STAB1: variants seen among roughly 807,000 people sequenced by gnomAD.
STAB1 encodes stabilin-1.
A neutral mutation model predicts 332.4 loss-of-function variants in STAB1; 250 were observed. The observed-to-expected ratio is 0.75, with a 90% CI of 0.68 to 0.84. The LOEUF (loss-of-function observed/expected upper bound fraction) is 0.84, where lower values mean the gene tolerates loss of function less well. Ranked by LOEUF, STAB1 falls within the 40% of genes least tolerant of loss-of-function variation. The pLI, the probability that STAB1 is intolerant of heterozygous loss-of-function variation, is 0.00. For missense variants in STAB1, 3,249 were observed against 3,489.7 expected (o/e 0.93, Z 1.74); for synonymous variants, 1,475 against 1,390.4 (o/e 1.06, Z -1.35).
In STAB1 at chr3:52,521,371, C is replaced by A. The variant is rs770760877; in HGVS notation, c.5919C>A (p.Gly1973=). The A allele has an allele frequency of 2.5e-6, 4 of 1,613,778 alleles. No individual in the cohort carries two copies. Among genetic ancestry groups the A allele is most frequent in the Non-Finnish European group, 3.4e-6 (4 of 1,180,006 alleles). ...CTACCCCATCCCCAGCTTGCCCTGGCGGCCCCAGCAGCCCTTGTAGTGACC... is the reference window on the plus strand; with the variant it reads ...CTACCCCATCCCCAGCTTGCCCTGGAGGCCCCAGCAGCCCTTGTAGTGACC... The part of the protein sequence containing the change: ...HYGSECQACP[G]GPSSPCSDRG... The change falls in exon 56 of 69, where the codon GGC becomes GGA. Residue 1973 remains glycine (G), a synonymous_variant. Coordinates refer to ENST00000321725, the MANE Select transcript of STAB1 (RefSeq NM_015136.3).
intron 33 of STAB1, 52 bp downstream of exon 33, chr3:52,514,265 G>C: frequency 6.2e-7 from 1 of 1,605,026 alleles, no homozygotes; most frequent in Non-Finnish European, 8.5e-7. Flanking sequence ...CATAGAGGGC[G>C]AGCCTCCAAT....
chr3:52,503,975 G>A (rs1708649384), intron 9 of STAB1, 53 bp from the exon 10 acceptor site: 1 of 1,607,094 alleles, frequency 6.2e-7, no homozygotes, highest in Non-Finnish European at 8.5e-7. Context: ...CGTGGGGGGT[G>A]CGGTGGGGGG....
chr3:52,521,707 A>G lies in STAB1; in HGVS notation c.6163+7A>G. The G allele has an allele frequency of 1.2e-6, 2 of 1,612,438 alleles. No homozygotes were observed. Among genetic ancestry groups the G allele is most frequent in the East Asian group, 2.2e-5 (1 of 44,864 alleles). ...CGCTGTGAGGTGCAACTGGGTGAGT[A>G]GCCCCGTGCTCGTGCCCACCCTACA... is the stretch of plus-strand genomic sequence containing the variant. On this transcript the variant is annotated splice_region_variant and intron_variant, in intron 57 of 68. Transcript: ENST00000321725.
Position 52,514,227 on chromosome 3 carries a change from G to A in STAB1, c.3546+14G>A, listed in dbSNP as rs954798664. ...AGCAGTCACCTGGTGAGGCCGTGGG[G>A]ATGGGGCAATGGCAGGGAGGGCAAA... On this transcript the variant is annotated intron_variant, in intron 33 of 68. Coordinates refer to ENST00000321725, the MANE Select transcript of STAB1 (RefSeq NM_015136.3). 3 of 1,612,632 alleles carry A rather than the reference G, an allele frequency of 1.9e-6. No individual in the cohort carries two copies. The highest frequency in any genetic ancestry group is 2.2e-5 in the East Asian group (1 of 44,890).
intron 37 of STAB1, among the ~76,000 whole-genome samples, 174 bp downstream of exon 37, chr3:52,515,680 T>C (rs1003480637): frequency 6.6e-6 from 1 of 151,846 alleles, no homozygotes; most frequent in Admixed American, 6.6e-5. Context: ...AGAGGGCTAG[T>C]GTTTGTCCCT....
At chr3:52,502,283 A>T in intron 5 of STAB1, 55 bp downstream of exon 5, 1 of 1,578,344 alleles carries the variant, frequency 6.3e-7, no homozygotes, top group Middle Eastern at 2.2e-4. Flanking sequence ...GGGCCCACGC[A>T]GATGCAGTAC....
At position 52,509,786 on chromosome 3, in the gene STAB1, C is replaced by G. The variant is rs1229074963; in HGVS notation, c.2348-84C>G. ...CAAATCTGTACTGGCTGCCCCACTC[C>G]CTATATCCCCCAAACCCATCCTGGC... On this transcript the variant is annotated intron_variant, in intron 22 of 68. Coordinates refer to ENST00000321725, the MANE Select transcript of STAB1 (RefSeq NM_015136.3). The G allele has an allele frequency of 3.3e-6, 5 of 1,500,616 alleles. 1 individual carries two copies. Among genetic ancestry groups the G allele is most frequent in the Admixed American group, 3.4e-5 (2 of 58,272 alleles). The allele number at this position is 1,500,616 out of a possible 1,614,324, so 93.0% of individuals were successfully genotyped here. A position where few individuals can be genotyped will look rare whatever the true frequency, so the allele number is the denominator to read the frequency against.
intron 3 of STAB1, 33 bp from the exon 4 acceptor site, chr3:52,501,973 G>A: frequency 6.2e-7 from 1 of 1,609,712 alleles, no homozygotes; most frequent in Non-Finnish European, 8.5e-7. Flanking sequence ...GGAGGGTTCT[G>A]GGCACAGAGC....
chr3:52,523,565 T>C lies in STAB1; in HGVS notation c.7279T>C (p.Trp2427Arg). 6.2e-7 allele frequency: 1 copy of C among 1,612,798 alleles called. No individual in the cohort carries two copies. The highest frequency in any genetic ancestry group is 8.5e-7 in the Non-Finnish European group (1 of 1,180,000). Residue 2427 changes from tryptophan (W) to arginine (R), a missense_variant, in exon 65 of 69, where the codon TGG (tryptophan) becomes CGG (arginine). Coordinates refer to ENST00000321725, the MANE Select transcript of STAB1 (RefSeq NM_015136.3). Reference protein sequence around the residue: ...ISDAGPDNSSWAPVAPGTVVV... With the variant: ...ISDAGPDNSSRAPVAPGTVVV... The stretch of plus-strand genomic sequence containing the variant: ...TGACGCAGGCCCTGACAACAGTTCC[T>C]GGGCCCCTGTGGTGAGTCTGGCCAC...
chr3:52,516,253 G>A lies in STAB1; in HGVS notation c.4144+15G>A, dbSNP rs373484645. 27 of 1,608,610 alleles carry A rather than the reference G, an allele frequency of 1.7e-5. No homozygotes were observed. The highest frequency in any genetic ancestry group is 4.5e-5 in the East Asian group (2 of 44,854). ...CTGCACCGGAGGTGAGGACTGGGGAGGGGCGGGGGTGGGCCTCCTGGCAGC... is the reference window on the plus strand; with the variant it reads ...CTGCACCGGAGGTGAGGACTGGGGAAGGGCGGGGGTGGGCCTCCTGGCAGC... On this transcript the variant is annotated intron_variant, in intron 38 of 68. Transcript: ENST00000321725.
At position 52,518,581 on chromosome 3, in the gene STAB1, C is replaced by T. The variant is rs1164265974; in HGVS notation, c.4855C>T (p.Pro1619Ser). The change falls in exon 47 of 69, where the codon CCG becomes TCG. Residue 1619 changes from proline (P) to serine (S), a missense_variant. Physicochemically the swap from Pro to Ser is moderately conservative, Grantham distance 74. Transcript: ENST00000321725. ...KGDGPFTIFVPHADLMSNLSQ... is the reference protein window; with the variant it reads ...KGDGPFTIFVSHADLMSNLSQ... Reference sequence around the variant, plus strand: ...CGATGGGCCTTTCACCATCTTCGTGCCGCACGCAGATCTAATGAGCAACCT... The same window carrying T: ...CGATGGGCCTTTCACCATCTTCGTGTCGCACGCAGATCTAATGAGCAACCT... The T allele has an allele frequency of 1.9e-6, 3 of 1,601,816 alleles. No homozygotes were observed. The highest frequency in any genetic ancestry group is 4.5e-5 in the East Asian group (2 of 44,490).
chr3:52,511,622 C>T (rs563551479), intron 25 of STAB1, 28 bp from the exon 26 acceptor site: 10 of 1,588,584 alleles, frequency 6.3e-6, no homozygotes, highest in South Asian at 1.1e-5. Flanking sequence ...CATCATGAGA[C>T]AAGGCCGTCT....
At position 52,520,313 on chromosome 3, in the gene STAB1, G is replaced by A. The variant is rs1043172361; in HGVS notation, c.5499+23G>A. 1.9e-6 allele frequency: 3 copies of A among 1,612,896 alleles called. No homozygotes were observed. The African/African-American group carries it at 4.0e-5, about 22-fold the overall frequency. On this transcript the variant is annotated intron_variant, in intron 52 of 68. Coordinates refer to ENST00000321725, the MANE Select transcript of STAB1 (RefSeq NM_015136.3). Reference sequence around the variant, plus strand: ...GCCGTGAGTCTGGGGAGAGGGCTTGGATGAAGGGAGTAGGAGGCAGGGGCC... The same window carrying A: ...GCCGTGAGTCTGGGGAGAGGGCTTGAATGAAGGGAGTAGGAGGCAGGGGCC...
chr3:52,509,179 T>G (rs376491602), intron 21 of STAB1, 31 bp from the exon 22 acceptor site: 2 of 1,603,672 alleles, frequency 1.2e-6, no homozygotes, highest in African/African-American at 2.7e-5. Context: ...CCCTTTCCCA[T>G]GACTGATCCT....
rs756971042 is a variant in STAB1, at chr3:52,513,771, G to A, written c.3325G>A (p.Gly1109Ser). 12 of 1,613,252 alleles carry A rather than the reference G, an allele frequency of 7.4e-6. No homozygotes were observed. Among genetic ancestry groups the A allele is most frequent in the South Asian group, 2.2e-5 (2 of 91,078 alleles). The change falls in exon 31 of 69, where the codon GGT (glycine) becomes AGT (serine). Residue 1109 changes from glycine (G) to serine (S), a missense_variant. Gly to Ser is a moderately conservative substitution (Grantham distance 56). Coordinates refer to ENST00000321725, the MANE Select transcript of STAB1 (RefSeq NM_015136.3). ...TGTGGCTGACCTCCTTGCCACCAAC[G>A]GTGTCCTACACATCCTCAGCCAGGT... The part of the protein sequence containing the change: ...VDVADLLATN[G>S]VLHILSQVLL...
In STAB1 at chr3:52,517,261, G is replaced by A. The variant is rs556280317; in HGVS notation, c.4490-59G>A. On this transcript the variant is annotated intron_variant, in intron 42 of 68. Transcript: ENST00000321725. ...GGGGTGGGACAGATGAAGGTACAAA[G>A]GACAGAGGAAGGGGGGGGCCACTAA... 81 of 1,509,262 alleles carry A rather than the reference G, an allele frequency of 5.4e-5. No individual in the cohort carries two copies. The African/African-American group carries it at 8.5e-4, about 16-fold the overall frequency. The allele number at this position is 1,509,262 out of a possible 1,614,324, so 93.5% of individuals were successfully genotyped here.
Position 52,521,860 on chromosome 3 carries a change from T to C in STAB1, c.6180T>C (p.Cys2060=). 1.2e-6 allele frequency: 2 copies of C among 1,601,026 alleles called. No homozygotes were observed. The highest frequency in any genetic ancestry group is 2.2e-5 in the East Asian group (1 of 44,720). Residue 2060 remains cysteine, a synonymous_variant, in exon 58 of 69, where the codon TGT becomes TGC. Transcript: ENST00000321725. Reference sequence around the variant, plus strand: ...GGGGGACAGAGCTGCAGCCTGTGTGTACCCCACCCTGTGCACCCGAGGCTG... The same window carrying C: ...GGGGGACAGAGCTGCAGCCTGTGTGCACCCCACCCTGTGCACCCGAGGCTG... ...CEVQLELQPV[C]TPPCAPEAVC... is the part of the protein sequence containing the mutation.
chr3:52,501,513 G>A (rs929342996), intron 2 of STAB1, 125 bp from the exon 3 acceptor site: 47 of 1,120,274 alleles, frequency 4.2e-5, no homozygotes, highest in Admixed American at 6.6e-5. Flanking sequence ...GCTAGGCCCT[G>A]TGCTCAGCTC....
chr3:52,524,266 G>T (rs1446333171), intron 68 of STAB1, 34 bp from the exon 69 acceptor site: 9 of 1,613,912 alleles, frequency 5.6e-6, no homozygotes, highest in Non-Finnish European at 6.8e-6. Flanking sequence ...CCAGGCCCTG[G>T]TCACACCCTC....
Sources: gnomAD v4.1 joint callset for allele counts (sites outside exome capture counted in the v4.1 genomes callset) on GRCh38, gnomAD v4.1.1 for gene constraint, MANE v1.5 for transcripts, NCBI Gene and HGNC (gene_info 2026-07-23, HGNC 2026-07-21) for gene names.